Variants in FNTA observed in about 807,000 individuals in gnomAD.
The protein encoded by FNTA is protein farnesyltransferase/geranylgeranyltransferase type-1 subunit alpha.
FNTA carries 27 observed loss-of-function variants against 55.2 expected under a neutral mutation model. The ratio of observed to expected loss-of-function variants is 0.49; its 90% CI spans 0.36 to 0.67. The LOEUF is 0.67. Ranked by LOEUF, FNTA falls within the 30% of genes least tolerant of loss-of-function variation. The pLI is 0.00. For missense variants in FNTA, 422 were observed against 464.7 expected, an observed-to-expected ratio of 0.91 and a Z score of 0.85; for synonymous variants, 176 against 170.7, an observed-to-expected ratio of 1.03 and a Z score of -0.24.
Position 43,080,453 on chromosome 8 carries a change from G to A in FNTA, c.783-2665G>A, listed in dbSNP as rs542899925. ...ATTTTTTAATTGAGGTATGTACATT[G>A]TTTTTTTAGATATGATGCTATTGCA... On this transcript the variant is annotated intron_variant, in intron 6 of 8. Transcript: ENST00000302279. 6 of 152,192 alleles carry A rather than the reference G, an allele frequency of 3.9e-5. No homozygotes were observed. The South Asian group carries it at 1.2e-3, about 32-fold the overall frequency. The allele number at this position is 152,192 out of a possible 1,614,324, so 9.4% of individuals were successfully genotyped here. A position where few individuals can be genotyped will look rare whatever the true frequency, so the allele number is the denominator to read the frequency against.
intron 4 of FNTA, among the ~76,000 whole-genome samples, chr8:43,069,923 T>C (rs1810748892): frequency 6.6e-6 from 1 of 151,402 alleles, no homozygotes; most frequent in Non-Finnish European, 1.5e-5. Flanking sequence ...GGATTACAGG[T>C]ATGAGCCATT....
chr8:43,071,243 A>G (rs1429058219), intron 4 of FNTA, among the ~76,000 whole-genome samples: 1 of 152,164 alleles, frequency 6.6e-6, no homozygotes, highest in Non-Finnish European at 1.5e-5. Flanking sequence ...GTTTTTTAGT[A>G]TATATACAGA....
intron 3 of FNTA, among the ~76,000 whole-genome samples, chr8:43,066,254 T>A (rs1186641522): frequency 2.0e-5 from 3 of 150,142 alleles, no homozygotes; most frequent in Admixed American, 6.6e-5. Flanking sequence ...TTTTGTTCTG[T>A]GAATATGCTT....
At chr8:43,074,676 G>A (rs1001155523) in intron 5 of FNTA, among the ~76,000 whole-genome samples, 1 of 152,164 alleles carries the variant, frequency 6.6e-6, no homozygotes, top group African/African-American at 2.4e-5. Context: ...GTTTCATACT[G>A]TATGGCTCCA....
rs765282342 is a variant in FNTA at position 43,069,537 on chromosome 8, G to A, written c.402-18G>A. 10 of 1,498,304 alleles carry A rather than the reference G, an allele frequency of 6.7e-6. No homozygotes were observed. The highest frequency in any genetic ancestry group is 9.3e-6 in the Non-Finnish European group (10 of 1,076,308). 92.8% of individuals were successfully genotyped at this position (1,498,304 alleles called of 1,614,324 possible). ...TCTGTGTAATAATGCGACTTTGGAT[G>A]TTGTATGTTTGCCCTAGGCATTTCC... On this transcript the variant is annotated intron_variant, in intron 3 of 8. Coordinates refer to ENST00000302279, the MANE Select transcript of FNTA (RefSeq NM_002027.3).
intron 3 of FNTA, 80 bp downstream of exon 3, chr8:43,064,295 ATTTTTTTAAACTGTACTTTAT>A (rs1457065860): frequency 2.2e-6 from 2 of 894,746 alleles, no homozygotes; most frequent in Admixed American, 4.3e-5. Context: ...CTGTACTTTA[ATTTTTTTAAACTGTACTTTAT>A]TTTTTTTGGA....
chr8:43,067,394 G>A (rs1317255871), intron 3 of FNTA, among the ~76,000 whole-genome samples: 1 of 152,106 alleles, frequency 6.6e-6, no homozygotes, highest in Non-Finnish European at 1.5e-5. Context: ...TCTTTGCCCC[G>A]ATTCTCTTTG....
intron 5 of FNTA, among the ~76,000 whole-genome samples, chr8:43,074,589 AGAAAT>A (rs1472233371): frequency 6.6e-6 from 1 of 152,186 alleles, no homozygotes; most frequent in East Asian, 1.9e-4. Context: ...ACCAGTCAAA[AGAAAT>A]GAATGATCCA....
intron 5 of FNTA, among the ~76,000 whole-genome samples, chr8:43,074,594 T>C (rs1810868090): frequency 6.6e-6 from 1 of 151,780 alleles, no homozygotes; most frequent in Admixed American, 6.6e-5. Context: ...TCAAAAGAAA[T>C]GAATGATCCA....
chr8:43,061,820 A>G (rs1308030742), intron 2 of FNTA, among the ~76,000 whole-genome samples: 1 of 151,936 alleles, frequency 6.6e-6, no homozygotes, highest in African/African-American at 2.4e-5. Context: ...CCCGGGTTCA[A>G]GTGATTCTCC....
At chr8:43,072,605 T>C (rs996036948) in intron 5 of FNTA, among the ~76,000 whole-genome samples, 24 of 152,088 alleles carry the variant, frequency 1.6e-4, no homozygotes, top group Non-Finnish European at 2.8e-4. Context: ...CACACACCTG[T>C]AGTCCCAGCT....
chr8:43,064,012 A>C, intron 2 of FNTA, 89 bp from the exon 3 acceptor site: 1 of 822,916 alleles, frequency 1.2e-6, no homozygotes, highest in Non-Finnish European at 2.0e-6. Flanking sequence ...CAGGCCAATA[A>C]AATATCTTTA....
At position 43,085,461 on chromosome 8, in the gene FNTA, A is replaced by G. The variant is rs1034793840; in HGVS notation, c.*179A>G. 3 of 578,414 alleles carry G rather than the reference A, an allele frequency of 5.2e-6. No individual in the cohort carries two copies. The highest frequency in any genetic ancestry group is 9.0e-6 in the Non-Finnish European group (3 of 333,382). The allele number at this position is 578,414 out of a possible 1,614,324, so 35.8% of individuals were successfully genotyped here. ...GCTGCTACTCAGACTAGCTCTAAGT[A>G]ATGTGATTCTTCTAAAGCAAAGTCA... On this transcript the variant is annotated 3_prime_UTR_variant, in exon 9 of 9. Transcript: ENST00000302279.
At chr8:43,061,918 C>T (rs1810541926) in intron 2 of FNTA, among the ~76,000 whole-genome samples, 1 of 152,042 alleles carries the variant, frequency 6.6e-6, no homozygotes, top group Admixed American at 6.6e-5. Flanking sequence ...GGGGTTTCTC[C>T]ATGTTGGTTA....
At chr8:43,062,255 T>A (rs992575130) in intron 2 of FNTA, among the ~76,000 whole-genome samples, 17 of 151,942 alleles carry the variant, frequency 1.1e-4, no homozygotes, top group Non-Finnish European at 1.2e-4. Context: ...ATGTTACCAT[T>A]TTGTTTTAAA....
intron 2 of FNTA, among the ~76,000 whole-genome samples, chr8:43,061,473 G>A (rs939675346): frequency 6.6e-6 from 1 of 152,136 alleles, no homozygotes. Flanking sequence ...ATACTGTCTG[G>A]CTCATAGTAA....
chr8:43,078,784 A>G (rs1230851052), intron 6 of FNTA: 1 of 152,284 alleles, frequency 6.6e-6, no homozygotes, highest in Admixed American at 6.5e-5. Context: ...TGAGGAACAC[A>G]TATCAAAAGC....
At chr8:43,070,315 A>T (rs1425448499) in intron 4 of FNTA, 3 of 146,626 alleles carry the variant, frequency 2.0e-5, no homozygotes, top group Non-Finnish European at 2.9e-5. Flanking sequence ...CTCAAAAAAA[A>T]TAAAAAATAA....
intron 5 of FNTA, chr8:43,073,533 G>A (rs1359898061): frequency 6.6e-6 from 1 of 152,150 alleles, no homozygotes; most frequent in Non-Finnish European, 1.5e-5. Context: ...ATTGCACTCT[G>A]GATGTGCTGA....
Sources: gnomAD v4.1 joint callset for allele counts (sites outside exome capture counted in the v4.1 genomes callset) on GRCh38, gnomAD v4.1.1 for gene constraint, MANE v1.5 for transcripts, NCBI Gene and HGNC (gene_info 2026-07-23, HGNC 2026-07-21) for gene names.